Variants in CFAP74 observed in about 807,000 individuals in gnomAD.
The protein encoded by CFAP74 is cilia and flagella associated protein 74.
Under a neutral mutation model 188.9 loss-of-function variants are expected in CFAP74, and 124 were observed. The observed-to-expected ratio is 0.66, with a 90% CI of 0.57 to 0.76. The LOEUF (loss-of-function observed/expected upper bound fraction) is 0.76, where lower values mean the gene tolerates loss of function less well. Ranked by LOEUF, CFAP74 falls within the 30% of genes least tolerant of loss-of-function variation. The pLI, the probability that CFAP74 is intolerant of heterozygous loss-of-function variation, is 0.00. For synonymous variants in CFAP74, 956 were observed against 916.7 expected, an observed-to-expected ratio of 1.04 and a Z score of -0.77; for missense variants, 2,198 against 2,165.2, an observed-to-expected ratio of 1.02 and a Z score of -0.30.
Position 1,968,895 on chromosome 1 carries a change from G to C in CFAP74, c.1047-62C>G, listed in dbSNP as rs1036460452. 14 of 1,531,280 alleles carry C rather than the reference G, an allele frequency of 9.1e-6. No homozygotes were observed. The highest frequency in any genetic ancestry group is 6.8e-5 in the Admixed American group (4 of 58,694). The allele number at this position is 1,531,280 out of a possible 1,614,324, so 94.9% of individuals were successfully genotyped here. ...CCCCTGCCTCCACCTTGCCCCAGAT[G>C]AGACAGTGCCCGGCGGCCCCTCCCT... On this transcript the variant is annotated intron_variant, in intron 10 of 38. Transcript: ENST00000682832. This position sits in a 1 kb window ranked among gnomAD's most constrained non-coding sequence, Gnocchi z 4.3.
chr1:1,963,787 C>T lies in CFAP74; in HGVS notation c.1656G>A (p.Val552=), dbSNP rs745537959. The T allele has an allele frequency of 5.0e-6, 8 of 1,613,920 alleles. No individual in the cohort carries two copies. The African/African-American group carries it at 1.1e-4, about 22-fold the overall frequency. ...TTYTINYCKL[V]GVEEHLRDFI... ...AGTCCCGGAGGTGCTCCTCCACGCC[C>T]ACCAGCTTGCAGTAGTTGATCGTGT... The change falls in exon 14 of 39, where the codon GTG becomes GTA. Residue 552 remains valine (V), a synonymous_variant. Coordinates refer to ENST00000682832, the MANE Select transcript of CFAP74 (RefSeq NM_001304360.2).
Position 1,956,710 on chromosome 1 carries a change from C to A in CFAP74, c.1926G>T (p.Leu642=), listed in dbSNP as rs376589597. ...TCGTGCCCAAGCCCCCAACGTTGGTCAGCGTGATGGTCCGAGACGTGGTCT... is the reference window on the plus strand; with the variant it reads ...TCGTGCCCAAGCCCCCAACGTTGGTAAGCGTGATGGTCCGAGACGTGGTCT... ...VGETTSRTIT[L]TNVGGLGTTF... is the part of the protein sequence containing the mutation. The change falls in exon 17 of 39, where the codon CTG becomes CTT. Residue 642 remains leucine (L), a synonymous_variant. Transcript: ENST00000682832. The A allele has an allele frequency of 5.6e-6, 9 of 1,614,038 alleles. No individual in the cohort carries two copies. In the South Asian group the frequency reaches 8.8e-5, roughly 16 times the overall value.
chr1:1,971,176 C>A (rs980709835), intron 9 of CFAP74, among the ~76,000 whole-genome samples: 1 of 151,798 alleles, frequency 6.6e-6, no homozygotes, highest in East Asian at 1.9e-4. Context: ...TGCACACCTG[C>A]ACACACGTGC....
At chr1:1,986,112 C>T (rs1657217833) in intron 5 of CFAP74, among the ~76,000 whole-genome samples, 3 of 152,172 alleles carry the variant, frequency 2.0e-5, no homozygotes, top group South Asian at 2.1e-4. Context: ...GGGCTGGGTG[C>T]GGTGGCTCAC....
intron 1 of CFAP74, among the ~76,000 whole-genome samples, chr1:1,993,311 G>T (rs1019706135): frequency 1.5e-4 from 22 of 151,588 alleles, no homozygotes; most frequent in African/African-American, 5.1e-4. Context: ...TTGAGACAGG[G>T]TTTGACTCTG....
At chr1:1,927,451 C>A in intron 28 of CFAP74, 156 bp downstream of exon 28, 1 of 729,000 alleles carries the variant, frequency 1.4e-6, no homozygotes, top group Non-Finnish European at 2.2e-6. Context: ...CCCAGGAAGG[C>A]AGCACCTGGA....
At chr1:1,929,531 G>T (rs777340116) in intron 26 of CFAP74, among the ~76,000 whole-genome samples, 3 of 150,966 alleles carry the variant, frequency 2.0e-5, no homozygotes, top group Admixed American at 1.3e-4. Flanking sequence ...AATCCATTTT[G>T]AATCACTGCA....
intron 25 of CFAP74, among the ~76,000 whole-genome samples, chr1:1,933,702 T>C (rs1436824508): frequency 6.6e-6 from 1 of 152,234 alleles, no homozygotes; most frequent in African/African-American, 2.4e-5. Context: ...CTGGGGGTAA[T>C]GAATTTTATT....
intron 25 of CFAP74, among the ~76,000 whole-genome samples, chr1:1,936,943 A>G (rs1652940739): frequency 6.6e-6 from 1 of 152,176 alleles, no homozygotes; most frequent in Non-Finnish European, 1.5e-5. Context: ...AAAGTTCAGA[A>G]ACAAATAATT....
At chr1:1,927,087 C>G in intron 28 of CFAP74, 59 bp from the exon 29 acceptor site, 1 of 1,544,020 alleles carries the variant, frequency 6.5e-7, no homozygotes, top group Non-Finnish European at 8.7e-7. Flanking sequence ...TCGGCCCAGG[C>G]CGGACCCCTG....
At chr1:1,949,036 C>CT (rs1553223918) in intron 18 of CFAP74, among the ~76,000 whole-genome samples, 133 of 100,424 alleles carry the variant, frequency 1.3e-3, no homozygotes, top group African/African-American at 5.6e-3. Flanking sequence ...CTCTCCCTCC[C>CT]TCCTTCCTTC....
chr1:1,929,632 C>T (rs1365553158), intron 26 of CFAP74, among the ~76,000 whole-genome samples: 3 of 151,880 alleles, frequency 2.0e-5, no homozygotes, highest in Admixed American at 6.6e-5. Context: ...GAAGGCCCTG[C>T]CAGGCCCAGA....
rs1655600450 is a variant in CFAP74 at position 1,968,022 on chromosome 1, GAGTGAA to G, written c.1245+607_1245+612del. 6.6e-6 allele frequency among the ~76,000 whole-genome samples: 1 copy of G among 151,880 alleles called. No individual in the cohort carries two copies. The highest frequency in any genetic ancestry group is 6.6e-5 in the Admixed American group (1 of 15,262). On this transcript the variant is annotated intron_variant, in intron 11 of 38. Transcript: ENST00000682832. This position sits in a 1 kb window ranked among gnomAD's most constrained non-coding sequence, Gnocchi z 4.3. Reference sequence around the variant, plus strand: ...TGAGTGAGCGAATGAGTGAATGAATGAGTGAATGAGTGAATGAATAAGTGTATCAGT... The same window carrying G: ...TGAGTGAGCGAATGAGTGAATGAATGTGAGTGAATGAATAAGTGTATCAGT...
rs760016975 is a variant in CFAP74 at position 1,923,383 on chromosome 1, G to A, written c.4506C>T (p.Asp1502=). The change falls in exon 36 of 39, where the codon GAC becomes GAT. Residue 1502 remains aspartate, a synonymous_variant. Transcript: ENST00000682832. This position sits in a 1 kb window ranked among gnomAD's most constrained non-coding sequence, Gnocchi z 6.3. ...GGGGCTCACCCTCTCTGTGCCTGGG[G>A]TCAAATACAGGGATCGCTGTCAGAG... ...VESLTAIPVF[D]PRHREASSRP... The A allele has an allele frequency of 1.9e-5, 30 of 1,580,440 alleles. No individual in the cohort carries two copies. The highest frequency in any genetic ancestry group is 2.4e-5 in the Non-Finnish European group (28 of 1,164,094).
In CFAP74 at chr1:1,974,159, G is replaced by GA. The variant is rs748947623; in HGVS notation, c.539dup (p.Glu181ArgfsTer7). The GA allele has an allele frequency of 6.2e-7, 1 of 1,610,798 alleles. No homozygotes were observed. The highest frequency in any genetic ancestry group is 8.5e-7 in the Non-Finnish European group (1 of 1,178,418). On this transcript the variant is annotated frameshift_variant, in exon 7 of 39. Coordinates refer to ENST00000682832, the MANE Select transcript of CFAP74 (RefSeq NM_001304360.2). LOFTEE classifies it high-confidence loss of function. ...CACGGTCAGCTGTCCGGAAGGCCTC[G>GA]AGTCGCCCCTCCTGGATCTCGATGT...
intron 9 of CFAP74, 131 bp from the exon 10 acceptor site, chr1:1,970,947 C>A (rs563719067): frequency 8.6e-5 from 94 of 1,095,370 alleles, no homozygotes; most frequent in African/African-American, 1.6e-4. Context: ...ACATGCACAC[C>A]TGCACATGCA....
chr1:1,973,507 C>T lies in CFAP74; in HGVS notation c.675-460G>A, dbSNP rs1016542193. On this transcript the variant is annotated intron_variant, in intron 7 of 38. Transcript: ENST00000682832. The surrounding 1 kb of genome is among the most constrained non-coding windows in gnomAD (Gnocchi z 6.2). ...GAGAGAGGCTCACGGCAGGTTGGGA[C>T]AGCTGGCCTGATGGCCTGTGGAGCA... Among the ~76,000 whole-genome samples, 1 of 152,130 alleles carries T rather than the reference C, an allele frequency of 6.6e-6. No homozygotes were observed. The highest frequency in any genetic ancestry group is 1.5e-5 in the Non-Finnish European group (1 of 68,010).
chr1:1,969,319 AGCCCTGCCTTGCCCAGCCCT>A (rs1182126829), intron 10 of CFAP74, among the ~76,000 whole-genome samples: 6 of 108,106 alleles, frequency 5.6e-5, no homozygotes, highest in African/African-American at 1.1e-4. Context: ...TGCACTGCCC[AGCCCTGCCTTGCCCAGCCCT>A]GCCCTGCCCA....
intron 18 of CFAP74, among the ~76,000 whole-genome samples, chr1:1,950,031 C>T (rs1334956203): frequency 6.6e-6 from 1 of 152,180 alleles, no homozygotes; most frequent in African/African-American, 2.4e-5. Context: ...TGGTGGATAC[C>T]TAGGAGTGGC....
Sources: gnomAD v4.1 joint callset for allele counts (sites outside exome capture counted in the v4.1 genomes callset) on GRCh38, gnomAD v4.1.1 for gene constraint, Gnocchi (gnomAD v3.1) non-coding constraint, MANE v1.5 for transcripts, NCBI Gene and HGNC (gene_info 2026-07-23, HGNC 2026-07-21) for gene names.